ANKRD28: variants seen among roughly 807,000 people sequenced by gnomAD.
ANKRD28 encodes ankyrin repeat domain 28, also known as serine/threonine-protein phosphatase 6 regulatory ankyrin repeat subunit A.
In ANKRD28, 44 loss-of-function variants were observed where a neutral mutation model predicts 126.5. That is an observed-to-expected ratio of 0.35 (90% CI 0.27 to 0.45). The LOEUF is 0.45. ANKRD28 is among the 20% of genes least tolerant of loss of function. The pLI is 1.00. For synonymous variants in ANKRD28, 442 were observed against 468.5 expected (o/e 0.94, Z 0.73); for missense variants, 1,110 against 1,316.6 (o/e 0.84, Z 2.43).
Position 15,815,625 on chromosome 3 carries a change from G to A in ANKRD28, c.28-20319C>T, listed in dbSNP as rs1290863102. Among the ~76,000 whole-genome samples the A allele has an allele frequency of 1.3e-5, 2 of 152,198 alleles. No homozygotes were observed. The highest frequency in any genetic ancestry group is 2.4e-5 in the African/African-American group (1 of 41,530). Reference sequence around the variant, plus strand: ...CACTTCTTATTGTTCTGAAAGAATCGTCATCAATGCTATGACAAAGAATCA... The same window carrying A: ...CACTTCTTATTGTTCTGAAAGAATCATCATCAATGCTATGACAAAGAATCA... On this transcript the variant is annotated intron_variant, in intron 1 of 27. Coordinates refer to the ANKRD28 transcript ENST00000399451. This position sits in a 1 kb window ranked among gnomAD's most constrained non-coding sequence, Gnocchi z 4.1.
In ANKRD28 at chr3:15,724,493, C is replaced by A. The variant is rs778157896; in HGVS notation, c.672G>T (p.Ser224=). The change falls in exon 7 of 28, where the codon TCG becomes TCT. Residue 224 remains serine, a synonymous_variant. Coordinates refer to ENST00000683139, the MANE Select transcript of ANKRD28 (RefSeq NM_001349278.2). ...CCTTGCATGTCACTTCAGCTCCATG[C>A]GACACAAGCAATTTCACTACTTCAA... ...GHIEVVKLLV[S]HGAEVTCKDK... 5.7e-6 allele frequency: 9 copies of A among 1,588,416 alleles called. No individual in the cohort carries two copies. The highest frequency in any genetic ancestry group is 1.1e-5 in the South Asian group (1 of 87,192).
intron 1 of ANKRD28, among the ~76,000 whole-genome samples, chr3:15,836,850 C>T (rs1251465450): frequency 3.3e-5 from 5 of 151,756 alleles, no homozygotes; most frequent in Non-Finnish European, 7.4e-5. Flanking sequence ...AATAACAGGC[C>T]GAGGCGGGCA....
chr3:15,782,917 A>G (rs528576773), intron 2 of ANKRD28, among the ~76,000 whole-genome samples: 1 of 152,222 alleles, frequency 6.6e-6, no homozygotes, highest in South Asian at 2.1e-4. Flanking sequence ...AGCTGGCATA[A>G]AGCCTCTTTC....
chr3:15,853,275 AT>A lies in ANKRD28; in HGVS notation c.27+6101del, dbSNP rs1192179692. On this transcript the variant is annotated intron_variant, in intron 1 of 27. Transcript: ENST00000399451. This position sits in a 1 kb window ranked among gnomAD's most constrained non-coding sequence, Gnocchi z 4.2. Reference sequence around the variant, plus strand: ...AAAACAAAAGACCTAATCCTGAACTATTTCCTCCAGGTACAGGGTATTTTCC... The same window carrying A: ...AAAACAAAAGACCTAATCCTGAACTATTCCTCCAGGTACAGGGTATTTTCC... 3.9e-5 allele frequency among the ~76,000 whole-genome samples: 6 copies of A among 152,262 alleles called. No individual in the cohort carries two copies. The highest frequency in any genetic ancestry group is 7.3e-5 in the Non-Finnish European group (5 of 68,028).
intron 6 of ANKRD28, chr3:15,732,877 T>C (rs570554062): frequency 6.6e-6 from 1 of 152,194 alleles, no homozygotes; most frequent in Non-Finnish European, 1.5e-5. Context: ...CTTTAAGACA[T>C]CTCCAGACCA....
rs1386406243 is a variant in ANKRD28 at position 15,845,906 on chromosome 3, G to C, written c.27+13471C>G. ...AAACTCGCTCACTATCAAGAGAACA[G>C]CAAGGGGGAAATCTGCCCCAACAAT... On this transcript the variant is annotated intron_variant, in intron 1 of 27. Coordinates refer to the ANKRD28 transcript ENST00000399451. This position sits in a 1 kb window ranked among gnomAD's most constrained non-coding sequence, Gnocchi z 4.9. 1.3e-5 allele frequency among the ~76,000 whole-genome samples: 2 copies of C among 152,120 alleles called. No homozygotes were observed. The highest frequency in any genetic ancestry group is 6.6e-5 in the Admixed American group (1 of 15,266).
At position 15,825,734 on chromosome 3, in the gene ANKRD28, T is replaced by C. The variant is rs112750231; in HGVS notation, c.28-30428A>G. On this transcript the variant is annotated intron_variant, in intron 1 of 27. Coordinates refer to the ANKRD28 transcript ENST00000399451. ...TATAACAAAACCAATAAAAGATTCA[T>C]AGCCTACCTACAGATAGATAGATAA... is the stretch of plus-strand genomic sequence containing the variant. Among the ~76,000 whole-genome samples the C allele has an allele frequency of 3.6e-3, 553 of 152,222 alleles. 8 individuals carry two copies. The highest frequency in any genetic ancestry group is 0.013 in the African/African-American group (533 of 41,542).
intron 5 of ANKRD28, 90 bp from the exon 6 acceptor site, chr3:15,735,587 T>A: frequency 1.0e-6 from 1 of 988,234 alleles, no homozygotes. Context: ...TCTCAACTTC[T>A]CTGGCACTAA....
intron 13 of ANKRD28, among the ~76,000 whole-genome samples, chr3:15,708,573 T>TA (rs1342529593): frequency 5.3e-5 from 8 of 152,184 alleles, no homozygotes; most frequent in Non-Finnish European, 1.0e-4. Flanking sequence ...CCCTCTCTGT[T>TA]ATTTGTAGTA....
chr3:15,789,092 T>C (rs552927341), intron 2 of ANKRD28, among the ~76,000 whole-genome samples: 1 of 152,282 alleles, frequency 6.6e-6, no homozygotes, highest in South Asian at 2.1e-4. Flanking sequence ...TTACAGTGCT[T>C]CTTCCACATC....
At chr3:15,803,386 A>G (rs756045756) in intron 1 of ANKRD28, among the ~76,000 whole-genome samples, 2 of 152,120 alleles carry the variant, frequency 1.3e-5, no homozygotes, top group Non-Finnish European at 2.9e-5. Flanking sequence ...TGGGAGACCA[A>G]CGTGGGCGGA....
chr3:15,691,280 T>C lies in ANKRD28; in HGVS notation c.1762-1060A>G, dbSNP rs186940943. ...CTGGGATTACAGGCGCATGCCACCA[T>C]GCCCCAGCTAATTTTTGTATTTTTA... On this transcript the variant is annotated intron_variant, in intron 17 of 27. Transcript: ENST00000683139. Among the ~76,000 whole-genome samples, 60 of 152,158 alleles carry C rather than the reference T, an allele frequency of 3.9e-4. No homozygotes were observed. In the East Asian group the frequency reaches 0.011, roughly 29 times the overall value.
Position 15,851,811 on chromosome 3 carries a change from G to A in ANKRD28, c.27+7566C>T, listed in dbSNP as rs149283812. Among the ~76,000 whole-genome samples the A allele has an allele frequency of 4.2e-3, 646 of 152,098 alleles. 5 individuals are homozygous for A. Among genetic ancestry groups the A allele is most frequent in the East Asian group, 0.019 (101 of 5,182 alleles). On this transcript the variant is annotated intron_variant, in intron 1 of 27. Coordinates refer to the ANKRD28 transcript ENST00000399451. ...ATATCCCAGAGAAATGAAAACTTACGTCTACATAAAATCTTGTACACAAAT... is the reference window on the plus strand; with the variant it reads ...ATATCCCAGAGAAATGAAAACTTACATCTACATAAAATCTTGTACACAAAT...
chr3:15,756,404 A>G (rs1328467599), intron 3 of ANKRD28: 1 of 689,750 alleles, frequency 1.4e-6, no homozygotes, highest in African/African-American at 1.9e-5. Flanking sequence ...AGAAAAGGTT[A>G]CCTAAATCTA....
chr3:15,669,982 C>T lies in ANKRD28; in HGVS notation c.*288G>A. 2.9e-6 allele frequency: 1 copy of T among 344,086 alleles called. No homozygotes were observed. The highest frequency in any genetic ancestry group is 5.7e-5 in the East Asian group (1 of 17,676). 21.3% of individuals were successfully genotyped at this position (344,086 alleles called of 1,614,324 possible). ...GCTTGTGTAAGCAGGTTAGAGTGCACAGTGTCCCCAATTGTTCCTGGCACT... is the reference window on the plus strand; with the variant it reads ...GCTTGTGTAAGCAGGTTAGAGTGCATAGTGTCCCCAATTGTTCCTGGCACT... On this transcript the variant is annotated 3_prime_UTR_variant, in exon 28 of 28. Coordinates refer to ENST00000683139, the MANE Select transcript of ANKRD28 (RefSeq NM_001349278.2).
intron 8 of ANKRD28, among the ~76,000 whole-genome samples, chr3:15,715,259 T>TTGA (rs2072866625): frequency 6.6e-6 from 1 of 152,186 alleles, no homozygotes; most frequent in African/African-American, 2.4e-5. Flanking sequence ...TTCTAAAATC[T>TTGA]TTCAGTTAAC....
chr3:15,721,604 T>A (rs1302904008), intron 7 of ANKRD28, among the ~76,000 whole-genome samples: 1 of 152,114 alleles, frequency 6.6e-6, no homozygotes, highest in Non-Finnish European at 1.5e-5. Flanking sequence ...TAAAAAAAAA[T>A]GAACGGCATG....
At chr3:15,674,731 A>G (rs2066758831) in intron 27 of ANKRD28, among the ~76,000 whole-genome samples, 1 of 152,202 alleles carries the variant, frequency 6.6e-6, no homozygotes. Context: ...AAATTTTGTA[A>G]AAGAAATTAA....
intron 8 of ANKRD28, 45 bp from the exon 9 acceptor site, chr3:15,714,701 T>C (rs2126099137): frequency 7.2e-7 from 1 of 1,385,814 alleles, no homozygotes. Flanking sequence ...ATATCCATAA[T>C]GTGTAAACCT....
Sources: allele counts gnomAD v4.1 joint callset (sites outside exome capture counted in the v4.1 genomes callset), GRCh38; gene constraint gnomAD v4.1.1; non-coding constraint Gnocchi (gnomAD v3.1); transcripts MANE v1.5; gene names NCBI Gene and HGNC (gene_info 2026-07-23, HGNC 2026-07-21).